VPS50: variants seen among roughly 807,000 people sequenced by gnomAD.
The protein encoded by VPS50 is VPS50 subunit of EARP/GARPII complex.
In VPS50, 70 loss-of-function variants were observed where a neutral mutation model predicts 139.7. That is an observed-to-expected ratio of 0.50 (90% CI 0.41 to 0.61). The LOEUF is 0.61. Among genes scored for constraint, VPS50 ranks in the 20% least tolerant of loss-of-function variants. VPS50 has a pLI of 0.00. For missense variants in VPS50, 921 were observed against 1,133.7 expected, an observed-to-expected ratio of 0.81 and a Z score of 2.69; for synonymous variants, 365 against 376.7, an observed-to-expected ratio of 0.97 and a Z score of 0.36.
chr7:93,238,823 A>C (rs1308524986), intron 1 of VPS50, among the ~76,000 whole-genome samples: 1 of 152,082 alleles, frequency 6.6e-6, no homozygotes, highest in Non-Finnish European at 1.5e-5. Flanking sequence ...TTGCTTTCTC[A>C]TTTCTTGGAG....
intron 2 of VPS50, among the ~76,000 whole-genome samples, chr7:93,241,193 A>G (rs1038002589): frequency 1.3e-5 from 2 of 152,180 alleles, no homozygotes; most frequent in East Asian, 3.8e-4. Context: ...CAGTCTTAAC[A>G]AGAACTTTCT....
intron 11 of VPS50, among the ~76,000 whole-genome samples, chr7:93,273,869 T>TGTGTGTCAGA (rs1466029759): frequency 6.6e-6 from 1 of 152,168 alleles, no homozygotes; most frequent in East Asian, 1.9e-4. Flanking sequence ...ACTTCATGTC[T>TGTGTGTCAGA]GTGTGTCAGA....
chr7:93,303,395 C>T (rs1480126382), intron 16 of VPS50, 65 bp from the exon 17 acceptor site: 2 of 655,144 alleles, frequency 3.1e-6, no homozygotes, highest in East Asian at 5.4e-5. Context: ...ACATTATTTC[C>T]TCAATTCTTG....
intron 21 of VPS50, among the ~76,000 whole-genome samples, chr7:93,332,436 G>A (rs1433705000): frequency 6.6e-6 from 1 of 152,162 alleles, no homozygotes; most frequent in Non-Finnish European, 1.5e-5. Context: ...AAGGGTTAGG[G>A]TGTCAACATG....
chr7:93,293,880 G>A (rs1202911228), intron 13 of VPS50, among the ~76,000 whole-genome samples: 3 of 152,054 alleles, frequency 2.0e-5, no homozygotes, highest in Non-Finnish European at 4.4e-5. Flanking sequence ...CCTTTTACTG[G>A]TTATCAGTGG....
At chr7:93,287,925 T>A (rs1224318006) in intron 12 of VPS50, among the ~76,000 whole-genome samples, 1 of 152,194 alleles carries the variant, frequency 6.6e-6, no homozygotes. Context: ...TATTAGTCTG[T>A]TCTCACGCTG....
intron 2 of VPS50, among the ~76,000 whole-genome samples, chr7:93,242,363 A>G (rs1034601316): frequency 1.3e-5 from 2 of 151,856 alleles, no homozygotes; most frequent in African/African-American, 2.4e-5. Context: ...ATTGGCAGTT[A>G]TTTTACAGGA....
chr7:93,247,482 C>A (rs1795191034), intron 2 of VPS50, among the ~76,000 whole-genome samples: 1 of 151,914 alleles, frequency 6.6e-6, no homozygotes, highest in South Asian at 2.1e-4. Flanking sequence ...ATATTTGTAA[C>A]CCTATTCTCC....
chr7:93,284,117 T>TA lies in VPS50; in HGVS notation c.943-7580dup, dbSNP rs537863113. On this transcript the variant is annotated intron_variant, in intron 12 of 27. Coordinates refer to ENST00000305866, the MANE Select transcript of VPS50 (RefSeq NM_017667.4). ...TTAGGGAGGGGGATTGGATTGGAGA[T>TA]AAAAAAGAGCCAACCTATCTTTATA... 2.9e-3 allele frequency among the ~76,000 whole-genome samples: 436 copies of TA among 152,108 alleles called. 1 individual carries two copies. Among genetic ancestry groups the TA allele is most frequent in the Non-Finnish European group, 4.7e-3 (319 of 67,978 alleles).
chr7:93,254,601 C>G (rs1327168702), intron 4 of VPS50, among the ~76,000 whole-genome samples: 1 of 152,092 alleles, frequency 6.6e-6, no homozygotes, highest in Non-Finnish European at 1.5e-5. Flanking sequence ...TTAATGTCCC[C>G]CTGAGATTCA....
chr7:93,280,679 A>C (rs1376666354), intron 12 of VPS50, among the ~76,000 whole-genome samples: 1 of 152,024 alleles, frequency 6.6e-6, no homozygotes, highest in Non-Finnish European at 1.5e-5. Context: ...TTACTTTGGC[A>C]GGCTGATGGG....
At chr7:93,275,951 CATTT>C in intron 11 of VPS50, 1 of 511,518 alleles carries the variant, frequency 2.0e-6, no homozygotes, top group African/African-American at 1.9e-5. Context: ...TCACGAGTCA[CATTT>C]ATTTTGAGTG....
chr7:93,343,199 G>A (rs1358455323), intron 23 of VPS50, among the ~76,000 whole-genome samples: 1 of 152,090 alleles, frequency 6.6e-6, no homozygotes, highest in African/African-American at 2.4e-5. Context: ...GAAGCCTCAG[G>A]AGCCGATGCG....
intron 2 of VPS50, among the ~76,000 whole-genome samples, 181 bp downstream of exon 2, chr7:93,240,115 G>A (rs1221628214): frequency 1.3e-5 from 2 of 151,968 alleles, no homozygotes; most frequent in Non-Finnish European, 2.9e-5. Flanking sequence ...TTGGGATGCA[G>A]TATGTATGAT....
chr7:93,237,251 C>T (rs1286376969), intron 1 of VPS50, among the ~76,000 whole-genome samples: 2 of 152,000 alleles, frequency 1.3e-5, no homozygotes, highest in Non-Finnish European at 2.9e-5. Context: ...CCACCACGCC[C>T]GGCCTGTTTT....
chr7:93,264,972 C>T (rs1314456599), intron 9 of VPS50, among the ~76,000 whole-genome samples: 2 of 152,102 alleles, frequency 1.3e-5, no homozygotes, highest in African/African-American at 4.8e-5. Flanking sequence ...TCTCTGCCTC[C>T]CTCTGCCATG....
chr7:93,357,559 T>C (rs1174181578), intron 27 of VPS50, among the ~76,000 whole-genome samples: 1 of 152,164 alleles, frequency 6.6e-6, no homozygotes, highest in East Asian at 1.9e-4. Context: ...ATCAATTCTT[T>C]CTCCTATTTT....
chr7:93,333,500 A>G (rs1010910224), intron 21 of VPS50, among the ~76,000 whole-genome samples: 3 of 152,098 alleles, frequency 2.0e-5, no homozygotes, highest in African/African-American at 4.8e-5. Flanking sequence ...ATTTTCATCA[A>G]TGGAATCATC....
intron 9 of VPS50, among the ~76,000 whole-genome samples, chr7:93,266,763 G>A (rs1036192463): frequency 2.0e-5 from 3 of 152,124 alleles, no homozygotes; most frequent in African/African-American, 7.2e-5. Context: ...GATCAAAATG[G>A]ATTGAATTCA....
Sources: allele counts gnomAD v4.1 joint callset (sites outside exome capture counted in the v4.1 genomes callset), GRCh38; gene constraint gnomAD v4.1.1; transcripts MANE v1.5; gene names NCBI Gene and HGNC (gene_info 2026-07-23, HGNC 2026-07-21).